SLC9A9: variants seen among roughly 807,000 people sequenced by gnomAD.
SLC9A9 encodes the protein sodium/hydrogen exchanger 9.
SLC9A9 carries 62 observed loss-of-function variants against 77.8 expected under a neutral mutation model. The ratio of observed to expected loss-of-function variants is 0.80; its 90% CI spans 0.65 to 0.98. The LOEUF is 0.98. Ranked by LOEUF, SLC9A9 falls within the 50% of genes least tolerant of loss-of-function variation. SLC9A9 has a pLI of 0.00. For synonymous variants in SLC9A9, 320 were observed against 283.5 expected (o/e 1.13, Z -1.29); for missense variants, 775 against 774.9 (o/e 1.00, Z 0.00).
intron 14 of SLC9A9, among the ~76,000 whole-genome samples, chr3:143,355,403 A>G (rs1159920769): frequency 6.6e-6 from 1 of 152,230 alleles, no homozygotes; most frequent in Non-Finnish European, 1.5e-5. Context: ...GTGTTAATTC[A>G]TTTAATTATC....
chr3:143,662,365 G>T (rs2038991412), intron 5 of SLC9A9, among the ~76,000 whole-genome samples: 1 of 152,258 alleles, frequency 6.6e-6, no homozygotes, highest in Non-Finnish European at 1.5e-5. Flanking sequence ...AATGGCTCCA[G>T]TCTACAGCTC....
At position 143,823,689 on chromosome 3, in the gene SLC9A9, A is replaced by G. The variant is rs569774337; in HGVS notation, c.378+8330T>C. Reference sequence around the variant, plus strand: ...AATTAAAAAATAAATTAAAAATTAAACATTAAAAAAGATTTCAGAAAAGAG... The same window carrying G: ...AATTAAAAAATAAATTAAAAATTAAGCATTAAAAAAGATTTCAGAAAAGAG... On this transcript the variant is annotated intron_variant, in intron 2 of 15. Transcript: ENST00000316549. Among the ~76,000 whole-genome samples the G allele has an allele frequency of 3.3e-5, 5 of 152,042 alleles. No individual in the cohort carries two copies. In the South Asian group the frequency reaches 1.0e-3, roughly 31 times the overall value.
chr3:143,807,363 G>C (rs114318064), intron 2 of SLC9A9, among the ~76,000 whole-genome samples: 1 of 152,244 alleles, frequency 6.6e-6, no homozygotes, highest in Admixed American at 6.5e-5. Flanking sequence ...ATTTCTGAAT[G>C]AGCCAGTATA....
At chr3:143,394,607 T>C (rs1463448201) in intron 12 of SLC9A9, among the ~76,000 whole-genome samples, 1 of 152,098 alleles carries the variant, frequency 6.6e-6, no homozygotes, top group Non-Finnish European at 1.5e-5. Flanking sequence ...GCCAGGGCAA[T>C]CAGACAGGAG....
intron 12 of SLC9A9, among the ~76,000 whole-genome samples, chr3:143,436,667 G>A (rs1210933943): frequency 6.6e-6 from 1 of 152,240 alleles, no homozygotes; most frequent in Non-Finnish European, 1.5e-5. Flanking sequence ...GTTACGGACT[G>A]TAATTTGTGA....
chr3:143,330,597 ACT>A (rs2031738621), intron 14 of SLC9A9, among the ~76,000 whole-genome samples: 1 of 152,244 alleles, frequency 6.6e-6, no homozygotes, highest in African/African-American at 2.4e-5. Flanking sequence ...TCAAACACAT[ACT>A]GTTTCCTGAA....
At chr3:143,500,175 C>A (rs935161510) in intron 9 of SLC9A9, among the ~76,000 whole-genome samples, 3 of 151,892 alleles carry the variant, frequency 2.0e-5, no homozygotes, top group African/African-American at 7.3e-5. Flanking sequence ...TGGGCTTAGT[C>A]AAATATTCTA....
At chr3:143,604,143 T>C (rs561835750) in intron 6 of SLC9A9, among the ~76,000 whole-genome samples, 1 of 152,364 alleles carries the variant, frequency 6.6e-6, no homozygotes, top group East Asian at 1.9e-4. Flanking sequence ...TTAAGGTCTA[T>C]TTTGTGCCAG....
chr3:143,451,259 T>C (rs1362946815), intron 12 of SLC9A9, among the ~76,000 whole-genome samples: 1 of 152,214 alleles, frequency 6.6e-6, no homozygotes, highest in South Asian at 2.1e-4. Context: ...CAATGAAATC[T>C]GCATTAAAGC....
At chr3:143,279,374 G>GTGTT (rs1938149540) in intron 14 of SLC9A9, among the ~76,000 whole-genome samples, 3 of 152,256 alleles carry the variant, frequency 2.0e-5, no homozygotes, top group East Asian at 3.9e-4. Context: ...CACAAGTGAG[G>GTGTT]TGTTTACTTA....
At chr3:143,677,378 A>G (rs1932916497) in intron 5 of SLC9A9, among the ~76,000 whole-genome samples, 1 of 152,180 alleles carries the variant, frequency 6.6e-6, no homozygotes, top group Non-Finnish European at 1.5e-5. Context: ...AGTTAACTGG[A>G]AGGGCACTAA....
intron 6 of SLC9A9, among the ~76,000 whole-genome samples, chr3:143,587,337 C>T (rs2108674708): frequency 6.6e-6 from 1 of 152,274 alleles, no homozygotes; most frequent in Middle Eastern, 3.4e-3. Context: ...ATGTGTAATT[C>T]AATGACAAGG....
chr3:143,351,423 T>A (rs755547525), intron 14 of SLC9A9, among the ~76,000 whole-genome samples: 3 of 152,242 alleles, frequency 2.0e-5, no homozygotes, highest in Non-Finnish European at 2.9e-5. Flanking sequence ...AGGGATTTAA[T>A]CTGTAGTTCC....
chr3:143,561,306 A>T (rs1355173873), intron 8 of SLC9A9, among the ~76,000 whole-genome samples: 2 of 152,228 alleles, frequency 1.3e-5, no homozygotes, highest in African/African-American at 4.8e-5. Flanking sequence ...ATAAAAACCA[A>T]ATAATTATTT....
At chr3:143,571,056 G>C (rs1304180106) in intron 8 of SLC9A9, among the ~76,000 whole-genome samples, 2 of 152,124 alleles carry the variant, frequency 1.3e-5, no homozygotes, top group Non-Finnish European at 2.9e-5. Context: ...CCAATAAAAG[G>C]GGTGAAGTAT....
chr3:143,708,784 C>T (rs2108794719), intron 4 of SLC9A9, among the ~76,000 whole-genome samples: 1 of 152,308 alleles, frequency 6.6e-6, no homozygotes, highest in East Asian at 1.9e-4. Flanking sequence ...ATTACCCAGT[C>T]CTGCTAGGTG....
rs138298745 is a variant in SLC9A9, at chr3:143,723,602, C to T, written c.534-30295G>A. Among the ~76,000 whole-genome samples the T allele has an allele frequency of 3.9e-5, 6 of 152,298 alleles. No homozygotes were observed. In the East Asian group the frequency reaches 9.6e-4, roughly 24 times the overall value. On this transcript the variant is annotated intron_variant, in intron 4 of 15. Transcript: ENST00000316549. The stretch of plus-strand genomic sequence containing the variant: ...GTATTTTCAATAACATTTTCAGCAC[C>T]GTCAGAGCACTGATGTTATACTGGA...
At chr3:143,789,818 G>A (rs1166211667) in intron 4 of SLC9A9, among the ~76,000 whole-genome samples, 1 of 152,144 alleles carries the variant, frequency 6.6e-6, no homozygotes, top group Admixed American at 6.5e-5. Flanking sequence ...ACAGTCCTAT[G>A]CTGTGTATAT....
At chr3:143,667,579 C>A (rs546964565) in intron 5 of SLC9A9, among the ~76,000 whole-genome samples, 122 of 152,128 alleles carry the variant, frequency 8.0e-4, no homozygotes, top group African/African-American at 2.8e-3. Flanking sequence ...TGCAATCTAC[C>A]CATCTGACAA....
Sources: gnomAD v4.1 joint callset for allele counts (sites outside exome capture counted in the v4.1 genomes callset) on GRCh38, gnomAD v4.1.1 for gene constraint, MANE v1.5 for transcripts, NCBI Gene and HGNC (gene_info 2026-07-23, HGNC 2026-07-21) for gene names.